The following CTSH variants were observed in gnomAD, a reference collection of about 807,000 sequenced individuals.
CTSH encodes the protein cathepsin H.
A neutral mutation model predicts 56.3 loss-of-function variants in CTSH; 52 were observed. That is an observed-to-expected ratio of 0.92 (90% confidence interval 0.74 to 1.16). The LOEUF (loss-of-function observed/expected upper bound fraction) is 1.16, where lower values mean the gene tolerates loss of function less well. CTSH is among the 50% of genes most tolerant of loss of function. The pLI, the probability that CTSH is intolerant of heterozygous loss-of-function variation, is 0.00. For synonymous variants in CTSH, 174 were observed against 155.7 expected (o/e 1.12, Z -0.88); for missense variants, 406 against 424.5 (o/e 0.96, Z 0.38).
At chr15:78,935,564 C>T (rs1225550043) in intron 4 of CTSH, 116 bp downstream of exon 4, 1 of 800,958 alleles carries the variant, frequency 1.2e-6, no homozygotes, top group Non-Finnish European at 2.0e-6. Context: ...TCTGGGGATA[C>T]CCTCAGCTGC....
At chr15:78,938,177 T>C (rs886596555) in intron 2 of CTSH, among the ~76,000 whole-genome samples, 30 of 152,320 alleles carry the variant, frequency 2.0e-4, no homozygotes, top group African/African-American at 7.2e-4. Context: ...AAGACCCACC[T>C]GGCCAACATG....
chr15:78,924,660 T>C (rs2054861879), intron 10 of CTSH, among the ~76,000 whole-genome samples: 1 of 151,656 alleles, frequency 6.6e-6, no homozygotes, highest in South Asian at 2.1e-4. Context: ...CTCTTCTCCC[T>C]ATTTTACGTC....
intron 11 of CTSH, among the ~76,000 whole-genome samples, chr15:78,922,445 T>C (rs1424085810): frequency 6.6e-6 from 1 of 152,092 alleles, no homozygotes; most frequent in Non-Finnish European, 1.5e-5. Flanking sequence ...CTCCCGAAAA[T>C]TTACCGAGGG....
At chr15:78,931,619 T>G in intron 6 of CTSH, 113 bp from the exon 7 acceptor site, 1 of 1,574,306 alleles carries the variant, frequency 6.4e-7, no homozygotes, top group Non-Finnish European at 8.6e-7. Context: ...CAGTGCTGTG[T>G]CAAGGTGACC....
Position 78,925,391 on chromosome 15 carries a change from C to G in CTSH, c.749G>C (p.Ser250Thr). 6.2e-7 allele frequency: 1 copy of G among 1,614,060 alleles called. No individual in the cohort carries two copies. Among genetic ancestry groups the G allele is most frequent in the Non-Finnish European group, 8.5e-7 (1 of 1,179,914 alleles). Residue 250 changes from serine (S) to threonine (T), a missense_variant, in exon 10 of 12, where the codon AGC (serine) becomes ACC (threonine). Transcript: ENST00000220166. ...GTCCTGAGTCACCTCAAAGGCAAAG[C>G]TCACAGGGTTGTAGAGGGCCACAGC... The part of the protein sequence containing the change: ...VEAVALYNPV[S>T]FAFEVTQDFM...
intron 2 of CTSH, 105 bp downstream of exon 2, chr15:78,939,035 G>T: frequency 9.2e-7 from 1 of 1,087,416 alleles, no homozygotes; most frequent in Non-Finnish European, 1.4e-6. Context: ...ACTAGGCAAA[G>T]TTGGAAATTC....
At chr15:78,922,814 TG>T (rs2054801224) in intron 11 of CTSH, among the ~76,000 whole-genome samples, 178 bp downstream of exon 11, 1 of 152,166 alleles carries the variant, frequency 6.6e-6, no homozygotes. Flanking sequence ...GGGCTGCAAA[TG>T]GGGGCTTGGA....
intron 9 of CTSH, chr15:78,927,447 A>G: frequency 7.6e-6 from 4 of 529,464 alleles, no homozygotes; most frequent in Non-Finnish European, 6.8e-6. Flanking sequence ...CTTGCATTTT[A>G]CAAGCAAGAA....
chr15:78,945,046 T>A lies in CTSH; in HGVS notation c.-65A>T. 2.5e-6 allele frequency: 3 copies of A among 1,195,706 alleles called. No individual in the cohort carries two copies. The highest frequency in any genetic ancestry group is 3.2e-6 in the Non-Finnish European group (3 of 942,492). 74.1% of individuals were successfully genotyped at this position (1,195,706 alleles called of 1,614,324 possible). A position where few individuals can be genotyped will look rare whatever the true frequency, so the allele number is the denominator to read the frequency against. On this transcript the variant is annotated 5_prime_UTR_variant, in exon 1 of 12. Coordinates refer to ENST00000220166, the MANE Select transcript of CTSH (RefSeq NM_004390.5). ...GGAGGTGGCGGCCCAGAGCGTCAACTGGGAGCGCGGGGGGGGAGCGGCACG... is the reference window on the plus strand; with the variant it reads ...GGAGGTGGCGGCCCAGAGCGTCAACAGGGAGCGCGGGGGGGGAGCGGCACG...
rs910237266 is a variant in CTSH at position 78,923,221 on chromosome 15, C to T, written c.807-103G>A. 4 of 1,309,742 alleles carry T rather than the reference C, an allele frequency of 3.1e-6. No homozygotes were observed. The African/African-American group carries it at 4.5e-5, about 15-fold the overall frequency. 81.1% of individuals were successfully genotyped at this position (1,309,742 alleles called of 1,614,324 possible). Reference sequence around the variant, plus strand: ...TTGAGCGCTTTAGAGCAATGTTCCCCACAGCGGACCAGGGAGGCATGTAAG... The same window carrying T: ...TTGAGCGCTTTAGAGCAATGTTCCCTACAGCGGACCAGGGAGGCATGTAAG... On this transcript the variant is annotated intron_variant, in intron 10 of 11. Transcript: ENST00000220166.
chr15:78,933,713 C>T (rs2055114806), intron 5 of CTSH: 1 of 285,892 alleles, frequency 3.5e-6, no homozygotes. Flanking sequence ...TTTTGAGTCC[C>T]CTTTGTCACT....
intron 1 of CTSH, 185 bp downstream of exon 1, chr15:78,944,706 C>A (rs1414328878): frequency 9.3e-6 from 11 of 1,179,816 alleles, no homozygotes; most frequent in Admixed American, 3.5e-5. Flanking sequence ...AGCCGCCCAC[C>A]CTCCGAGAAC....
intron 9 of CTSH, 144 bp downstream of exon 9, chr15:78,927,569 C>G: frequency 4.2e-6 from 3 of 707,374 alleles, no homozygotes. Flanking sequence ...ATCACAGCGA[C>G]TGAGACCCAG....
At position 78,928,463 on chromosome 15, in the gene CTSH, G is replaced by T. The variant is rs550171026; in HGVS notation, c.631-682C>A. 1.1e-4 allele frequency among the ~76,000 whole-genome samples: 17 copies of T among 151,094 alleles called. 1 individual carries two copies. In the South Asian group the frequency reaches 3.5e-3, roughly 32 times the overall value. On this transcript the variant is annotated intron_variant, in intron 8 of 11. Transcript: ENST00000220166. ...TGCCTGTACTCCCAGCTACTCAGGA[G>T]GCTGAGGCAGATAACTGCTTGAACT...
At position 78,923,064 on chromosome 15, in the gene CTSH, C is replaced by T. The variant is rs766190228; in HGVS notation, c.861G>A (p.Gly287=). Residue 287 remains glycine, a synonymous_variant, in exon 11 of 12, where the codon GGG becomes GGA. Coordinates refer to ENST00000220166, the MANE Select transcript of CTSH (RefSeq NM_004390.5). ...AAGGGATCCCATTTTTTTCTCCATA[C>T]CCAACAGCCAGTACTGCATGGTTTA... ...DKVNHAVLAV[G]YGEKNGIPYW... 2.4e-5 allele frequency: 38 copies of T among 1,612,624 alleles called. No homozygotes were observed. Among genetic ancestry groups the T allele is most frequent in the Non-Finnish European group, 3.2e-5 (38 of 1,179,612 alleles).
chr15:78,931,929 C>T (rs2055069610), intron 6 of CTSH: 5 of 1,179,094 alleles, frequency 4.2e-6, no homozygotes, highest in Non-Finnish European at 5.3e-6. Context: ...TCCCTCCTTT[C>T]TCCACAGAGG....
In CTSH at chr15:78,945,024, G is replaced by T; in HGVS notation, c.-43C>A. 1 of 1,483,910 alleles carries T rather than the reference G, an allele frequency of 6.7e-7. No individual in the cohort carries two copies. The highest frequency in any genetic ancestry group is 1.3e-5 in the South Asian group (1 of 79,398). The allele number at this position is 1,483,910 out of a possible 1,614,324, so 91.9% of individuals were successfully genotyped here. On this transcript the variant is annotated 5_prime_UTR_variant, in exon 1 of 12. Coordinates refer to ENST00000220166, the MANE Select transcript of CTSH (RefSeq NM_004390.5). ...GGCTCTTGCGCTCAGGGTCCGCGGA[G>T]GTGGCGGCCCAGAGCGTCAACTGGG...
intron 5 of CTSH, chr15:78,933,466 T>C (rs1222935786): frequency 2.5e-6 from 1 of 397,560 alleles, no homozygotes; most frequent in Non-Finnish European, 4.8e-6. Context: ...ACTTCTGAAA[T>C]GTCTCTTAAG....
chr15:78,939,052 T>G, intron 2 of CTSH, 88 bp downstream of exon 2: 1 of 1,263,296 alleles, frequency 7.9e-7, no homozygotes, highest in Non-Finnish European at 1.1e-6. Flanking sequence ...ATTCCCTTTT[T>G]CATTGTCTCA....
Sources: allele counts gnomAD v4.1 joint callset (sites outside exome capture counted in the v4.1 genomes callset), GRCh38; gene constraint gnomAD v4.1.1; transcripts MANE v1.5; gene names NCBI Gene and HGNC (gene_info 2026-07-23, HGNC 2026-07-21).